The following TRPS1 variants were observed in gnomAD, a reference collection of about 807,000 sequenced individuals.
TRPS1 encodes zinc finger transcription factor Trps1.
Under a neutral mutation model 101.2 loss-of-function variants are expected in TRPS1, and 6 were observed. That is an observed-to-expected ratio of 0.06 (90% CI 0.03 to 0.12). TRPS1 has a LOEUF of 0.12. Ranked by LOEUF, TRPS1 falls within the 10% of genes least tolerant of loss-of-function variation. The probability of loss-of-function intolerance (pLI) is 1.00; values close to 1 mark genes in which losing one functional copy is unlikely to be tolerated. For synonymous variants in TRPS1, 578 were observed against 589.8 expected (o/e 0.98, Z 0.29); for missense variants, 1,363 against 1,567.0 (o/e 0.87, Z 2.20).
At chr8:115,581,491 A>T (rs368492320) in intron 5 of TRPS1, among the ~76,000 whole-genome samples, 8 of 152,268 alleles carry the variant, frequency 5.3e-5, no homozygotes, top group African/African-American at 1.4e-4. Flanking sequence ...ATGTATCACA[A>T]CAGCACTATG....
intron 3 of TRPS1, among the ~76,000 whole-genome samples, chr8:115,608,985 A>G (rs1375109276): frequency 2.6e-5 from 4 of 152,064 alleles, no homozygotes; most frequent in Non-Finnish European, 5.9e-5. Flanking sequence ...TAGCTGAGAC[A>G]ACAGACACAT....
chr8:115,599,499 C>T (rs1341564005), intron 4 of TRPS1, among the ~76,000 whole-genome samples: 1 of 152,070 alleles, frequency 6.6e-6, no homozygotes, highest in Admixed American at 6.6e-5. Flanking sequence ...TTGCCCCCGA[C>T]TCTCCAACAA....
At chr8:115,527,497 C>T (rs895801029) in intron 5 of TRPS1, among the ~76,000 whole-genome samples, 25 of 151,160 alleles carry the variant, frequency 1.7e-4, no homozygotes, top group African/African-American at 6.1e-4. Flanking sequence ...ATACTGAGTT[C>T]ATATATTAAA....
At chr8:115,630,665 G>A (rs1032654845) in intron 1 of TRPS1, among the ~76,000 whole-genome samples, 1 of 151,918 alleles carries the variant, frequency 6.6e-6, no homozygotes, top group Admixed American at 6.6e-5. Flanking sequence ...TATGAGCCAG[G>A]AACTGTGCCA....
intron 5 of TRPS1, among the ~76,000 whole-genome samples, chr8:115,433,041 C>A (rs998379484): frequency 3.3e-5 from 5 of 151,930 alleles, no homozygotes; most frequent in Admixed American, 2.0e-4. Flanking sequence ...AGAAGACACT[C>A]AAGTATTACA....
chr8:115,487,766 T>C (rs1041121602), intron 5 of TRPS1, among the ~76,000 whole-genome samples: 2 of 152,198 alleles, frequency 1.3e-5, no homozygotes, highest in Non-Finnish European at 2.9e-5. Context: ...TTTGAACCAA[T>C]AAGGAGTTGC....
chr8:115,580,718 G>C (rs7010798), intron 5 of TRPS1, among the ~76,000 whole-genome samples: 1 of 152,264 alleles, frequency 6.6e-6, no homozygotes, highest in Non-Finnish European at 1.5e-5. Context: ...TGGGCCAGCA[G>C]AACTATGCCA....
chr8:115,431,447 C>T (rs901583511), intron 5 of TRPS1, among the ~76,000 whole-genome samples: 12 of 152,018 alleles, frequency 7.9e-5, no homozygotes, highest in Admixed American at 1.3e-4. Flanking sequence ...ATCAATGACA[C>T]ATTTAAAAAT....
intron 5 of TRPS1, 61 bp downstream of exon 5, chr8:115,586,940 T>C (rs990201095): frequency 6.2e-6 from 10 of 1,605,880 alleles, no homozygotes; most frequent in Middle Eastern, 1.9e-4. Context: ...AGAGAAAGAA[T>C]GTGTGTTCCT....
At chr8:115,662,235 G>A (rs766875767) in intron 1 of TRPS1, among the ~76,000 whole-genome samples, 6 of 151,806 alleles carry the variant, frequency 4.0e-5, no homozygotes, top group South Asian at 2.1e-4. Context: ...CCAAATTTGC[G>A]GAATGCTTTT....
intron 3 of TRPS1, among the ~76,000 whole-genome samples, chr8:115,611,042 G>A (rs1378998436): frequency 6.6e-6 from 1 of 151,600 alleles, no homozygotes; most frequent in Non-Finnish European, 1.5e-5. Context: ...GCTTGAGCCT[G>A]GGGGGCGGAG....
chr8:115,473,265 G>A (rs1462442731), intron 5 of TRPS1, among the ~76,000 whole-genome samples: 1 of 152,198 alleles, frequency 6.6e-6, no homozygotes, highest in South Asian at 2.1e-4. Flanking sequence ...GGTGGAAGGG[G>A]AAGAAAACAT....
chr8:115,602,096 A>G (rs1365283284), intron 4 of TRPS1, among the ~76,000 whole-genome samples: 2 of 152,020 alleles, frequency 1.3e-5, no homozygotes, highest in Non-Finnish European at 2.9e-5. Flanking sequence ...CAATAGAAAA[A>G]CCACTTGTCC....
At chr8:115,456,768 G>T (rs747808357) in intron 5 of TRPS1, among the ~76,000 whole-genome samples, 2 of 151,956 alleles carry the variant, frequency 1.3e-5, no homozygotes, top group Non-Finnish European at 2.9e-5. Flanking sequence ...GTATAGGCAT[G>T]CTTCTTCTTT....
At chr8:115,468,829 T>G (rs1216726826) in intron 5 of TRPS1, among the ~76,000 whole-genome samples, 1 of 152,194 alleles carries the variant, frequency 6.6e-6, no homozygotes, top group African/African-American at 2.4e-5. Flanking sequence ...AGTACATTAC[T>G]TGTTTGCCTA....
At chr8:115,595,279 T>C (rs1817761208) in intron 4 of TRPS1, among the ~76,000 whole-genome samples, 1 of 151,946 alleles carries the variant, frequency 6.6e-6, no homozygotes, top group South Asian at 2.1e-4. Context: ...GAGTGGCATG[T>C]GGCATTACTG....
chr8:115,661,861 C>T (rs1377916791), intron 1 of TRPS1, among the ~76,000 whole-genome samples: 1 of 151,794 alleles, frequency 6.6e-6, no homozygotes, highest in Admixed American at 6.6e-5. Context: ...AAACACCTCC[C>T]TTTGCCTTAT....
rs1817444461 is a variant in TRPS1 at position 115,581,310 on chromosome 8, G to A, written c.2700+5691C>T. Among the ~76,000 whole-genome samples the A allele has an allele frequency of 1.3e-5, 2 of 152,088 alleles. 1 individual carries two copies. Among genetic ancestry groups the A allele is most frequent in the South Asian group, 4.1e-4 (2 of 4,828 alleles). On this transcript the variant is annotated intron_variant, in intron 5 of 6. Transcript: ENST00000395715. ...ATTTGTTGAAGGATATGAAGTTATA[G>A]CTAGACGGGAGGAGTAAGTTTCAGT...
At chr8:115,659,569 T>C (rs1041653479) in intron 1 of TRPS1, among the ~76,000 whole-genome samples, 2 of 152,060 alleles carry the variant, frequency 1.3e-5, no homozygotes, top group Non-Finnish European at 2.9e-5. Flanking sequence ...TTAAAATTAA[T>C]ATATATATGA....
Sources: gnomAD v4.1 joint callset for allele counts (sites outside exome capture counted in the v4.1 genomes callset) on GRCh38, gnomAD v4.1.1 for gene constraint, MANE v1.5 for transcripts, NCBI Gene and HGNC (gene_info 2026-07-23, HGNC 2026-07-21) for gene names.